SYT7: variants seen among roughly 807,000 people sequenced by gnomAD.
SYT7 encodes the protein synaptotagmin-7.
In SYT7, 29 loss-of-function variants were observed where a neutral mutation model predicts 75.1. The observed-to-expected ratio is 0.39, with a 90% CI of 0.29 to 0.53. SYT7 has a LOEUF of 0.53. SYT7 is among the 20% of genes least tolerant of loss of function. The pLI, the probability that SYT7 is intolerant of heterozygous loss-of-function variation, is 0.77. For synonymous variants in SYT7, 376 were observed against 401.7 expected (o/e 0.94, Z 0.76); for missense variants, 693 against 953.2 (o/e 0.73, Z 3.59).
intron 1 of SYT7, among the ~76,000 whole-genome samples, chr11:61,559,634 T>TC (rs1418510215): frequency 6.6e-6 from 1 of 151,400 alleles, no homozygotes; most frequent in Non-Finnish European, 1.5e-5. Flanking sequence ...CTCTCCACAC[T>TC]CCCCCCTCCC....
At chr11:61,531,443 G>A (rs1279148245) in intron 8 of SYT7, among the ~76,000 whole-genome samples, 1 of 152,054 alleles carries the variant, frequency 6.6e-6, no homozygotes, top group African/African-American at 2.4e-5. Context: ...GAAGACAGCT[G>A]GGGCCAGTCT....
chr11:61,533,831 C>T (rs1408997320), intron 7 of SYT7: 1 of 213,368 alleles, frequency 4.7e-6, no homozygotes, highest in Non-Finnish European at 8.0e-6. Flanking sequence ...GTTTAATGGC[C>T]CCATATTGGA....
At chr11:61,572,456 C>T (rs1002009770) in intron 1 of SYT7, among the ~76,000 whole-genome samples, 4 of 152,176 alleles carry the variant, frequency 2.6e-5, no homozygotes, top group Non-Finnish European at 4.4e-5. Flanking sequence ...CACCAGGCAA[C>T]GTAGCCCAGT....
chr11:61,564,233 T>C (rs533750344), intron 1 of SYT7, among the ~76,000 whole-genome samples: 2 of 152,310 alleles, frequency 1.3e-5, no homozygotes, highest in Admixed American at 1.3e-4. Flanking sequence ...CCAGAATTCA[T>C]GTGTGCATGT....
At chr11:61,587,099 G>A in the SYT7 span, among the ~76,000 whole-genome samples, 1 of 152,152 alleles carries the variant, frequency 6.6e-6, no homozygotes, top group Admixed American at 6.5e-5. Flanking sequence ...ACCTTCTGTG[G>A]TTTGTTCAAA....
In SYT7 at chr11:61,576,480, G is replaced by A. The variant is rs978983378; in HGVS notation, c.31+4310C>T. ...ACCAGCTCTATACAGGGCTGCCCAT[G>A]CCCACCTGTGATGCCACAGTGCTCT... is the stretch of plus-strand genomic sequence containing the variant. On this transcript the variant is annotated intron_variant, in intron 1 of 12. Transcript: ENST00000539008. This position sits in a 1 kb window ranked among gnomAD's most constrained non-coding sequence, Gnocchi z 4.1. Among the ~76,000 whole-genome samples the A allele has an allele frequency of 6.6e-6, 1 of 152,182 alleles. No individual in the cohort carries two copies. The highest frequency in any genetic ancestry group is 1.5e-5 in the Non-Finnish European group (1 of 68,028).
At chr11:61,571,297 A>G (rs2063914469) in intron 1 of SYT7, among the ~76,000 whole-genome samples, 1 of 152,200 alleles carries the variant, frequency 6.6e-6, no homozygotes. Flanking sequence ...GTGTTAGCTC[A>G]TGCTCCCACA....
At position 61,528,369 on chromosome 11, in the gene SYT7, G is replaced by T. The variant is rs556244907; in HGVS notation, c.1201-184C>A. 1.1e-3 allele frequency among the ~76,000 whole-genome samples: 162 copies of T among 152,292 alleles called. 3 individuals carry two copies. In the South Asian group the frequency reaches 0.033, roughly 31 times the overall value. Reference sequence around the variant, plus strand: ...GGGTCTCCCAGGAGGGGAGGGGAAGGGGGAGGGCAGAGCCGAGACAGCCCT... The same window carrying T: ...GGGTCTCCCAGGAGGGGAGGGGAAGTGGGAGGGCAGAGCCGAGACAGCCCT... On this transcript the variant is annotated intron_variant, in intron 8 of 12. Coordinates refer to ENST00000539008, the MANE Select transcript of SYT7 (RefSeq NM_001365809.2).
intron 1 of SYT7, among the ~76,000 whole-genome samples, chr11:61,558,501 CACAT>C (rs1480061369): frequency 8.7e-5 from 12 of 138,606 alleles, no homozygotes; most frequent in African/African-American, 3.2e-4. Flanking sequence ...CACACACACA[CACAT>C]ACACACACAC....
At chr11:61,571,469 G>T (rs1018905972) in intron 1 of SYT7, among the ~76,000 whole-genome samples, 10 of 152,202 alleles carry the variant, frequency 6.6e-5, no homozygotes, top group African/African-American at 9.7e-5. Flanking sequence ...ACTTGTGGGG[G>T]CCATGTGCCA....
intron 5 of SYT7, among the ~76,000 whole-genome samples, chr11:61,544,108 G>A (rs1269627434): frequency 6.6e-6 from 1 of 152,244 alleles, no homozygotes; most frequent in Non-Finnish European, 1.5e-5. Context: ...GAGTCATTGT[G>A]CAAGAGAGTA....
intron 1 of SYT7, among the ~76,000 whole-genome samples, chr11:61,568,766 G>A (rs997003585): frequency 6.6e-6 from 1 of 152,236 alleles, no homozygotes; most frequent in African/African-American, 2.4e-5. Context: ...AAGGAAGAGA[G>A]TAACACCTTG....
Position 61,517,775 on chromosome 11 carries a change from C to A in SYT7, c.*852G>T. ...TGCCTAAAAGGTGTGAGTCAGTGTT[C>A]AAGAGATGAAATTGCTGAGGAGGGA... is the stretch of plus-strand genomic sequence containing the variant. On this transcript the variant is annotated 3_prime_UTR_variant, in exon 13 of 13. Transcript: ENST00000539008. 2.6e-6 allele frequency: 1 copy of A among 385,928 alleles called. No individual in the cohort carries two copies. Among genetic ancestry groups the A allele is most frequent in the Non-Finnish European group, 4.5e-6 (1 of 220,682 alleles). The allele number at this position is 385,928 out of a possible 1,614,324, so 23.9% of individuals were successfully genotyped here. A position where few individuals can be genotyped will look rare whatever the true frequency, so the allele number is the denominator to read the frequency against.
At chr11:61,552,575 T>TA (rs1189486386) in intron 2 of SYT7, among the ~76,000 whole-genome samples, 1 of 152,168 alleles carries the variant, frequency 6.6e-6, no homozygotes, top group East Asian at 1.9e-4. Context: ...TTCCATCCTC[T>TA]CTAAAGCAGA....
At chr11:61,538,939 G>GAT (rs1250121738) in intron 6 of SYT7, among the ~76,000 whole-genome samples, 1 of 152,204 alleles carries the variant, frequency 6.6e-6, no homozygotes, top group East Asian at 1.9e-4. Flanking sequence ...TTGGCTCCTG[G>GAT]ATATACAAGC....
At chr11:61,533,717 C>A in intron 7 of SYT7, 1 of 969,824 alleles carries the variant, frequency 1.0e-6, no homozygotes. Flanking sequence ...TTTGTGCTGT[C>A]CAGTGGAGCA....
rs769554097 is a variant in SYT7, at chr11:61,538,140, G to A, written c.1064+4C>T. 2.6e-4 allele frequency: 399 copies of A among 1,535,942 alleles called. No homozygotes were observed. Among genetic ancestry groups the A allele is most frequent in the Admixed American group, 4.1e-4 (21 of 51,006 alleles). On this transcript the variant is annotated splice_donor_region_variant and intron_variant, in intron 7 of 12. Coordinates refer to ENST00000539008, the MANE Select transcript of SYT7 (RefSeq NM_001365809.2). ...CCGCCGCAGGCCCTCGCCTGTGCTC[G>A]TACCTCTTGTCCCCCTGAGCGTTCT...
intron 5 of SYT7, among the ~76,000 whole-genome samples, chr11:61,545,029 G>A (rs1212429926): frequency 6.6e-6 from 1 of 152,174 alleles, no homozygotes; most frequent in Non-Finnish European, 1.5e-5. Context: ...TGCTCCATTA[G>A]CTGGGAGTTC....
intron 1 of SYT7, among the ~76,000 whole-genome samples, chr11:61,578,481 G>A (rs1392000774): frequency 3.3e-5 from 5 of 152,020 alleles, no homozygotes; most frequent in African/African-American, 4.8e-5. Context: ...GGTGGCCTGA[G>A]TTACACATAA....
Sources: gnomAD v4.1 joint callset for allele counts (sites outside exome capture counted in the v4.1 genomes callset) on GRCh38, gnomAD v4.1.1 for gene constraint, Gnocchi (gnomAD v3.1) non-coding constraint, MANE v1.5 for transcripts, NCBI Gene and HGNC (gene_info 2026-07-23, HGNC 2026-07-21) for gene names.